Variants in WWOX observed in about 807,000 individuals in gnomAD.
WWOX encodes WW domain containing oxidoreductase.
Under a neutral mutation model 46.2 loss-of-function variants are expected in WWOX, and 69 were observed. The ratio of observed to expected loss-of-function variants is 1.49; its 90% confidence interval spans 1.23 to 1.82. The LOEUF (loss-of-function observed/expected upper bound fraction) is 1.82. WWOX is among the 40% of genes most tolerant of loss of function. The pLI is 0.00. For synonymous variants in WWOX, 359 were observed against 202.6 expected (o/e 1.77, Z -6.56); for missense variants, 919 against 542.6 (o/e 1.69, Z -6.89).
chr16:78,585,205 A>G (rs1048704665), intron 8 of WWOX, among the ~76,000 whole-genome samples: 2 of 152,326 alleles, frequency 1.3e-5, no homozygotes, highest in African/African-American at 4.8e-5. Context: ...GACAGCTTAA[A>G]TGGTGTGGCC....
chr16:78,607,519 T>A (rs1006253948), intron 8 of WWOX, among the ~76,000 whole-genome samples: 9 of 152,222 alleles, frequency 5.9e-5, no homozygotes, highest in South Asian at 4.1e-4. Context: ...TTTAGCAAAG[T>A]CTTACACCTG....
chr16:78,788,637 G>C (rs989121824), intron 8 of WWOX, among the ~76,000 whole-genome samples: 1 of 152,194 alleles, frequency 6.6e-6, no homozygotes, highest in Non-Finnish European at 1.5e-5. Flanking sequence ...TTTCATCTCT[G>C]TCCTTAGTAC....
intron 8 of WWOX, among the ~76,000 whole-genome samples, chr16:78,708,927 A>G (rs550644123): frequency 1.0e-3 from 156 of 152,334 alleles, no homozygotes; most frequent in African/African-American, 3.7e-3. Context: ...AAAAATAAAA[A>G]GAAGGCAGGG....
chr16:78,844,803 G>T (rs867601053), intron 8 of WWOX, among the ~76,000 whole-genome samples: 1 of 152,168 alleles, frequency 6.6e-6, no homozygotes, highest in Non-Finnish European at 1.5e-5. Flanking sequence ...GCCAGAGTTG[G>T]CTGGGGCACA....
intron 8 of WWOX, among the ~76,000 whole-genome samples, chr16:78,917,279 A>T (rs1260398697): frequency 6.6e-6 from 1 of 152,168 alleles, no homozygotes; most frequent in East Asian, 1.9e-4. Context: ...TGGTTCCCCT[A>T]ACTCAAATCA....
chr16:78,632,955 C>A (rs891361332), intron 8 of WWOX, among the ~76,000 whole-genome samples: 4 of 152,038 alleles, frequency 2.6e-5, no homozygotes, highest in African/African-American at 9.7e-5. Flanking sequence ...TTATTATCCC[C>A]ATTTTACAGA....
intron 8 of WWOX, among the ~76,000 whole-genome samples, chr16:79,037,369 T>C (rs2047888410): frequency 6.6e-6 from 1 of 152,162 alleles, no homozygotes; most frequent in Admixed American, 6.5e-5. Flanking sequence ...TGGATATTCC[T>C]AGGGTCAGTT....
intron 8 of WWOX, among the ~76,000 whole-genome samples, chr16:78,695,345 C>T (rs372745223): frequency 3.9e-5 from 6 of 152,092 alleles, no homozygotes; most frequent in Non-Finnish European, 2.9e-5. Context: ...TCCCATATGT[C>T]CCTCCCTCAT....
intron 8 of WWOX, among the ~76,000 whole-genome samples, chr16:79,087,953 G>T (rs572643746): frequency 1.3e-4 from 20 of 152,240 alleles, no homozygotes; most frequent in Admixed American, 5.9e-4. Context: ...TGGGTCTGTA[G>T]TCCAAGGCTC....
chr16:79,042,407 C>T (rs951390790), intron 8 of WWOX, among the ~76,000 whole-genome samples: 1 of 152,134 alleles, frequency 6.6e-6, no homozygotes, highest in African/African-American at 2.4e-5. Flanking sequence ...TATCATTTTG[C>T]CAAGAGACAG....
chr16:78,219,146 A>T (rs1030425511), intron 5 of WWOX, among the ~76,000 whole-genome samples: 1 of 152,158 alleles, frequency 6.6e-6, no homozygotes, highest in South Asian at 2.1e-4. Context: ...GACTAGGTGA[A>T]GGGAGATAGA....
intron 8 of WWOX, among the ~76,000 whole-genome samples, chr16:78,874,981 T>G (rs567934281): frequency 6.6e-6 from 1 of 152,302 alleles, no homozygotes; most frequent in East Asian, 1.9e-4. Context: ...GTTGCATACA[T>G]GCCTTTGAGG....
chr16:78,449,168 C>G (rs1177013000), intron 8 of WWOX, among the ~76,000 whole-genome samples: 1 of 152,168 alleles, frequency 6.6e-6, no homozygotes, highest in Non-Finnish European at 1.5e-5. Context: ...GGCTTCCTTT[C>G]CTGCCTGGTG....
intron 8 of WWOX, among the ~76,000 whole-genome samples, chr16:78,482,276 G>A (rs541516172): frequency 2.0e-5 from 3 of 152,030 alleles, no homozygotes; most frequent in East Asian, 3.9e-4. Flanking sequence ...TGCTCTTTTG[G>A]CCAGGCTAGA....
intron 8 of WWOX, among the ~76,000 whole-genome samples, chr16:78,820,523 A>G (rs888999992): frequency 1.3e-5 from 2 of 152,146 alleles, no homozygotes; most frequent in African/African-American, 4.8e-5. Context: ...ATTGCCCACT[A>G]AGAAAATTTA....
At chr16:78,700,002 A>G (rs1255884719) in intron 8 of WWOX, among the ~76,000 whole-genome samples, 1 of 152,008 alleles carries the variant, frequency 6.6e-6, no homozygotes, top group Admixed American at 6.6e-5. Flanking sequence ...CTGGGGACGC[A>G]GAGGGTCCTG....
intron 8 of WWOX, among the ~76,000 whole-genome samples, chr16:79,177,124 G>T (rs1386452222): frequency 1.3e-5 from 2 of 152,168 alleles, no homozygotes; most frequent in Non-Finnish European, 2.9e-5. Context: ...AAGTCCTTCT[G>T]AGGCACTGTT....
At chr16:78,285,511 A>G (rs1183176810) in intron 5 of WWOX, among the ~76,000 whole-genome samples, 1 of 152,178 alleles carries the variant, frequency 6.6e-6, no homozygotes, top group Non-Finnish European at 1.5e-5. Context: ...AACAAGCTCC[A>G]TGAAGCCCCA....
chr16:78,277,988 G>T (rs1315865209), intron 5 of WWOX, among the ~76,000 whole-genome samples: 9 of 152,180 alleles, frequency 5.9e-5, no homozygotes, highest in Non-Finnish European at 1.2e-4. Flanking sequence ...GATAACCAAG[G>T]TGATGATCTT....
Sources: allele counts gnomAD v4.1 joint callset (sites outside exome capture counted in the v4.1 genomes callset), GRCh38; gene constraint gnomAD v4.1.1; transcripts MANE v1.5; gene names NCBI Gene and HGNC (gene_info 2026-07-23, HGNC 2026-07-21).